Variants in ASIP observed in about 807,000 individuals in gnomAD.
The protein encoded by ASIP is agouti-signaling protein.
Under a neutral mutation model 10.3 loss-of-function variants are expected in ASIP, and 11 were observed. The observed-to-expected ratio is 1.07, with a 90% CI of 0.68 to 1.78. The LOEUF is 1.78. ASIP is among the 40% of genes most tolerant of loss of function. The pLI is 0.00. For synonymous variants in ASIP, 70 were observed against 70.8 expected, an observed-to-expected ratio of 0.99 and a Z score of 0.06; for missense variants, 180 against 169.2, an observed-to-expected ratio of 1.06 and a Z score of -0.35.
chr20:34,223,368 GA>G (rs1459474708), intron 1 of ASIP, among the ~76,000 whole-genome samples: 1 of 150,350 alleles, frequency 6.7e-6, no homozygotes, highest in African/African-American at 2.5e-5. Context: ...CCCCGTCTGA[GA>G]AGTGAGGAGA....
intron 1 of ASIP, among the ~76,000 whole-genome samples, chr20:34,224,371 C>T (rs1250689680): frequency 6.6e-6 from 1 of 151,286 alleles, no homozygotes; most frequent in East Asian, 1.9e-4. Flanking sequence ...TTAAGACTGC[C>T]AGACTGTTCT....
chr20:34,187,091 T>C, the ASIP span, among the ~76,000 whole-genome samples: 1,622 of 152,296 alleles, frequency 0.011, 11 homozygotes, highest in Middle Eastern at 0.034. Flanking sequence ...TATGTTTAAC[T>C]TGGGTTGAAA....
rs542077869 is a variant in ASIP, at chr20:34,258,813, TATA to T, written c.-10-1548_-10-1546del. 3.4e-3 allele frequency among the ~76,000 whole-genome samples: 408 copies of T among 120,842 alleles called. 2 individuals carry two copies. Among genetic ancestry groups the T allele is most frequent in the Non-Finnish European group, 5.4e-3 (320 of 59,336 alleles). The allele number at this position is 120,842 out of a possible 152,430, so 79.3% of individuals were successfully genotyped here. A position where few individuals can be genotyped will look rare whatever the true frequency, so the allele number is the denominator to read the frequency against. ...TAGTGTATATATAATATATGATATATATAATACTATATATAGTATTATATATAT... is the reference window on the plus strand; with the variant it reads ...TAGTGTATATATAATATATGATATATATACTATATATAGTATTATATATAT... On this transcript the variant is annotated intron_variant, in intron 1 of 3. Coordinates refer to ENST00000374954, the MANE Select transcript of ASIP (RefSeq NM_001672.3).
intron 1 of ASIP, among the ~76,000 whole-genome samples, chr20:34,255,319 C>T (rs1271028463): frequency 2.0e-5 from 3 of 152,126 alleles, no homozygotes; most frequent in Non-Finnish European, 4.4e-5. Context: ...ACTCCTGCCA[C>T]CTTTTTCTTT....
At chr20:34,235,803 A>G (rs991278456) in intron 1 of ASIP, among the ~76,000 whole-genome samples, 1 of 55,332 alleles carries the variant, frequency 1.8e-5, no homozygotes, top group African/African-American at 2.1e-4. Flanking sequence ...GAAAGAAAGA[A>G]AGAAAGAAAG....
chr20:34,212,134 C>T (rs903362770), intron 1 of ASIP, among the ~76,000 whole-genome samples: 12 of 152,066 alleles, frequency 7.9e-5, no homozygotes, highest in Admixed American at 5.9e-4. Flanking sequence ...TTTCATTTCA[C>T]CAATTCTGCT....
intron 3 of ASIP, among the ~76,000 whole-genome samples, chr20:34,267,545 T>C (rs1477927410): frequency 6.6e-6 from 1 of 152,030 alleles, no homozygotes; most frequent in East Asian, 1.9e-4. Flanking sequence ...TATTTATTTT[T>C]TTTGAGACAG....
chr20:34,240,484 G>A (rs983923584), upstream of ASIP, among the ~76,000 whole-genome samples: 22 of 152,152 alleles, frequency 1.4e-4, no homozygotes, highest in Admixed American at 6.5e-4. Context: ...GAACTGCAGC[G>A]TCATAGTTTT....
chr20:34,264,593 T>C (rs1048500060), intron 3 of ASIP, among the ~76,000 whole-genome samples: 1 of 152,148 alleles, frequency 6.6e-6, no homozygotes, highest in African/African-American at 2.4e-5. Context: ...ATTGATACTA[T>C]AGGTTGAGGT....
At position 34,196,173 on chromosome 20, in the gene ASIP, C is replaced by CTTT. The variant is rs34524786; in HGVS notation, c.-11+1435_-11+1437dup. On this transcript the variant is annotated intron_variant, in intron 1 of 3. Transcript: ENST00000568305. ...GAACTCTCATTGAAAAGGGAGATTT[C>CTTT]TTTTTTTTTTTTTTTTTTTTTTTTG... is the stretch of plus-strand genomic sequence containing the variant. 8.5e-3 allele frequency among the ~76,000 whole-genome samples: 711 copies of CTTT among 83,672 alleles called. 20 individuals carry two copies. The highest frequency in any genetic ancestry group is 0.021 in the African/African-American group (435 of 20,332). 54.9% of individuals were successfully genotyped at this position (83,672 alleles called of 152,430 possible).
At chr20:34,223,266 G>A (rs1328648743) in intron 1 of ASIP, among the ~76,000 whole-genome samples, 6 of 149,540 alleles carry the variant, frequency 4.0e-5, no homozygotes, top group African/African-American at 7.5e-5. Flanking sequence ...TGTGGGGAGC[G>A]CCTCTGCCCT....
chr20:34,201,037 TTTCTTTCTTTCTTTCTTTCTTTC>T (rs1452052768), intron 1 of ASIP, among the ~76,000 whole-genome samples: 14 of 112,888 alleles, frequency 1.2e-4, no homozygotes, highest in Admixed American at 2.1e-4. Context: ...TCTTTCTTTC[TTTCTTTCTTTCTTTCTTTCTTTC>T]TTTTTTTTCC....
In ASIP at chr20:34,213,854, C is replaced by T. The variant is rs1038052676; in HGVS notation, c.-11+19094C>T. 12 of 1,545,018 alleles carry T rather than the reference C, an allele frequency of 7.8e-6. No homozygotes were observed. In the African/African-American group the frequency reaches 9.5e-5, roughly 12 times the overall value. On this transcript the variant is annotated intron_variant, in intron 1 of 3. Coordinates refer to the ASIP transcript ENST00000568305. The stretch of plus-strand genomic sequence containing the variant: ...ACTTCGGAACAGCCACACTGTTTCA[C>T]AGTCTGCTTGTTGCTGAAAGCTTTA...
At chr20:34,246,114 C>A in intron 1 of ASIP, 1 of 900,290 alleles carries the variant, frequency 1.1e-6, no homozygotes, top group Non-Finnish European at 1.8e-6. Context: ...AATCTTTGTG[C>A]TTCTTTAAGA....
In ASIP at chr20:34,269,246, C is replaced by T. The variant is rs2035846407; in HGVS notation, c.*79C>T. On this transcript the variant is annotated 3_prime_UTR_variant, in exon 4 of 4. Transcript: ENST00000374954. The stretch of plus-strand genomic sequence containing the variant: ...CTCGGGCGGGTGATCCCTAACAGGG[C>T]GGCTTCCCAGGGCTGCAGGCGGGCG... 8 of 1,418,594 alleles carry T rather than the reference C, an allele frequency of 5.6e-6. No individual in the cohort carries two copies. The highest frequency in any genetic ancestry group is 6.4e-6 in the Non-Finnish European group (7 of 1,090,736). The allele number at this position is 1,418,594 out of a possible 1,614,324, so 87.9% of individuals were successfully genotyped here. A position where few individuals can be genotyped will look rare whatever the true frequency, so the allele number is the denominator to read the frequency against.
chr20:34,219,758 G>A (rs1276616169), intron 1 of ASIP, among the ~76,000 whole-genome samples: 1 of 152,150 alleles, frequency 6.6e-6, no homozygotes, highest in Non-Finnish European at 1.5e-5. Flanking sequence ...CTGAACACCT[G>A]AGCACTGAGC....
intron 1 of ASIP, among the ~76,000 whole-genome samples, chr20:34,203,533 G>T (rs1334979343): frequency 6.6e-6 from 1 of 151,922 alleles, no homozygotes; most frequent in East Asian, 1.9e-4. Flanking sequence ...AAGGAGCTGG[G>T]ATTACAGGCA....
chr20:34,226,068 ATTTTTAGTAGAGACGGGG>A (rs150265055), intron 1 of ASIP, among the ~76,000 whole-genome samples: 2,249 of 151,410 alleles, frequency 0.015, 63 homozygotes, highest in African/African-American at 0.052. Flanking sequence ...TAATTTTTGT[ATTTTTAGTAGAGACGGGG>A]TTTCACCATG....
At chr20:34,196,811 T>C (rs1194292420) in intron 1 of ASIP, among the ~76,000 whole-genome samples, 1 of 152,206 alleles carries the variant, frequency 6.6e-6, no homozygotes, top group Non-Finnish European at 1.5e-5. Flanking sequence ...GGGAGTGTTA[T>C]GGAGGGCATA....
Sources: allele counts gnomAD v4.1 joint callset (sites outside exome capture counted in the v4.1 genomes callset), GRCh38; gene constraint gnomAD v4.1.1; transcripts MANE v1.5; gene names NCBI Gene and HGNC (gene_info 2026-07-23, HGNC 2026-07-21).